Variants in SECISBP2L observed in about 807,000 individuals in gnomAD.
SECISBP2L encodes selenocysteine insertion sequence-binding protein 2-like.
Under a neutral mutation model 114.7 loss-of-function variants are expected in SECISBP2L, and 43 were observed. The ratio of observed to expected loss-of-function variants is 0.38; its 90% CI spans 0.29 to 0.48. SECISBP2L has a LOEUF of 0.48. Ranked by LOEUF, SECISBP2L falls within the 20% of genes least tolerant of loss-of-function variation. The probability of loss-of-function intolerance (pLI) is 0.98; values close to 1 mark genes in which losing one functional copy is unlikely to be tolerated. For missense variants in SECISBP2L, 1,136 were observed against 1,301.1 expected (o/e 0.87, Z 1.95); for synonymous variants, 451 against 439.7 (o/e 1.03, Z -0.32).
At position 48,992,710 on chromosome 15, in the gene SECISBP2L, T is replaced by G; in HGVS notation, c.2840A>C (p.Lys947Thr). Residue 947 changes from lysine (K) to threonine (T), a missense_variant, in exon 18 of 18, where the codon AAG becomes ACG. By Grantham distance (78) the Lys-to-Thr change is moderately conservative. Coordinates refer to ENST00000559471, the MANE Select transcript of SECISBP2L (RefSeq NM_001193489.2). ...TGAGGCCCATTCCAGGTCATCTGGCTTCACTTCCTCTTTATCACTTGCTGT... is the reference window on the plus strand; with the variant it reads ...TGAGGCCCATTCCAGGTCATCTGGCGTCACTTCCTCTTTATCACTTGCTGT... ...KSTASDKEEV[K>T]PDDLEWASQQ... is the part of the protein sequence containing the mutation. The G allele has an allele frequency of 6.2e-7, 1 of 1,614,222 alleles. No homozygotes were observed. The highest frequency in any genetic ancestry group is 8.5e-7 in the Non-Finnish European group (1 of 1,180,034).
intron 15 of SECISBP2L, among the ~76,000 whole-genome samples, chr15:49,000,498 G>A (rs1902179274): frequency 1.3e-5 from 2 of 152,202 alleles, no homozygotes; most frequent in Admixed American, 6.5e-5. Flanking sequence ...AAGTACTTGT[G>A]TGCTGGTTTG....
chr15:49,031,269 G>C (rs1046758107), intron 4 of SECISBP2L, among the ~76,000 whole-genome samples: 1 of 151,604 alleles, frequency 6.6e-6, no homozygotes, highest in Non-Finnish European at 1.5e-5. Context: ...GGGTAGTCTC[G>C]AACTCCAGAC....
At chr15:49,010,658 G>C (rs905164355) in intron 13 of SECISBP2L, among the ~76,000 whole-genome samples, 1 of 152,152 alleles carries the variant, frequency 6.6e-6, no homozygotes, top group Admixed American at 6.5e-5. Context: ...CTATAAATAT[G>C]AGCTACCATG....
At chr15:49,040,509 T>C (rs1903101118) in intron 1 of SECISBP2L, among the ~76,000 whole-genome samples, 1 of 151,012 alleles carries the variant, frequency 6.6e-6, no homozygotes. Flanking sequence ...AAAAGGAGTG[T>C]TATGATCCCA....
chr15:49,027,815 T>A (rs987776375), intron 6 of SECISBP2L, among the ~76,000 whole-genome samples: 1 of 152,134 alleles, frequency 6.6e-6, no homozygotes, highest in Non-Finnish European at 1.5e-5. Flanking sequence ...TTCATCATGT[T>A]GGCCAGGCTG....
chr15:49,027,997 A>G (rs1437040887), intron 6 of SECISBP2L, 147 bp downstream of exon 6: 2 of 733,396 alleles, frequency 2.7e-6, no homozygotes, highest in Non-Finnish European at 4.6e-6. Context: ...CAAGCTGATC[A>G]GCAAAACTGT....
intron 8 of SECISBP2L, among the ~76,000 whole-genome samples, chr15:49,018,975 G>A (rs112667580): frequency 2.1e-3 from 319 of 152,222 alleles, no homozygotes; most frequent in African/African-American, 7.2e-3. Flanking sequence ...GTGCAATTAG[G>A]ATATGAACTG....
At chr15:49,009,164 T>A (rs999167465) in intron 14 of SECISBP2L, 52 bp downstream of exon 14, 1 of 1,564,084 alleles carries the variant, frequency 6.4e-7, no homozygotes, top group Non-Finnish European at 8.7e-7. Flanking sequence ...AATTCAGAAC[T>A]ACAATCAAGA....
intron 1 of SECISBP2L, among the ~76,000 whole-genome samples, chr15:49,039,475 C>G (rs1169709714): frequency 6.6e-6 from 1 of 150,944 alleles, no homozygotes; most frequent in Non-Finnish European, 1.5e-5. Context: ...AAACTGAAAT[C>G]ACAGTTTAAC....
intron 13 of SECISBP2L, among the ~76,000 whole-genome samples, chr15:49,010,225 T>G (rs1012874559): frequency 2.0e-5 from 3 of 151,874 alleles, no homozygotes; most frequent in Non-Finnish European, 4.4e-5. Context: ...AATCTTTTTT[T>G]TTTTTAAACA....
In SECISBP2L at chr15:48,992,814, A is replaced by C. The variant is rs200681309; in HGVS notation, c.2736T>G (p.Phe912Leu). The C allele has an allele frequency of 3.8e-5, 62 of 1,614,176 alleles. No homozygotes were observed. The highest frequency in any genetic ancestry group is 5.1e-5 in the Non-Finnish European group (60 of 1,180,022). Reference sequence around the variant, plus strand: ...GCTGCTTACCAATTGGGGGTGTGTCAAATGGAAGTTTACTGGGTTTTTCAG... The same window carrying C: ...GCTGCTTACCAATTGGGGGTGTGTCCAATGGAAGTTTACTGGGTTTTTCAG... ...STSEKPSKLP[F>L]DTPPIGKQPS... is the part of the protein sequence containing the mutation. The change falls in exon 18 of 18, where the codon TTT (phenylalanine) becomes TTG (leucine). Residue 912 changes from phenylalanine to leucine, a missense_variant. Around this residue, in one of 2 missense-constraint regions of SECISBP2L, gnomAD observed 684 missense variants for 848.7 expected, o/e 0.81. Coordinates refer to ENST00000559471, the MANE Select transcript of SECISBP2L (RefSeq NM_001193489.2).
At position 49,028,622 on chromosome 15, in the gene SECISBP2L, T is replaced by C; in HGVS notation, c.725A>G (p.Lys242Arg). 2 of 1,614,154 alleles carry C rather than the reference T, an allele frequency of 1.2e-6. No individual in the cohort carries two copies. Among genetic ancestry groups the C allele is most frequent in the Non-Finnish European group, 1.7e-6 (2 of 1,180,000 alleles). Residue 242 changes from lysine (K) to arginine (R), a missense_variant, in exon 5 of 18, where the codon AAG becomes AGG. Lys to Arg is a conservative substitution (Grantham distance 26). Coordinates refer to ENST00000559471, the MANE Select transcript of SECISBP2L (RefSeq NM_001193489.2). Reference protein sequence around the residue: ...LSETTATMLWKSKGRRRRASH... With the variant: ...LSETTATMLWRSKGRRRRASH... ...TGCTCTTCTTCTCCTGCCCTTGGAC[T>C]TCCAGAGCATTGTTGCAGTGGTCTC...
chr15:49,003,905 T>G (rs1230677779), intron 14 of SECISBP2L, among the ~76,000 whole-genome samples: 1 of 152,194 alleles, frequency 6.6e-6, no homozygotes, highest in East Asian at 1.9e-4. Context: ...ATTTTCTTTT[T>G]TTGTTGTGTC....
chr15:48,996,265 T>C (rs1278710153), intron 17 of SECISBP2L, 102 bp downstream of exon 17: 7 of 1,160,550 alleles, frequency 6.0e-6, no homozygotes, highest in South Asian at 1.6e-5. Context: ...TCGAGCAACA[T>C]TTGAATAATC....
Position 48,996,442 on chromosome 15 carries a change from G to T in SECISBP2L, c.2548C>A (p.Pro850Thr). 6.2e-7 allele frequency: 1 copy of T among 1,614,128 alleles called. No individual in the cohort carries two copies. Among genetic ancestry groups the T allele is most frequent in the South Asian group, 1.1e-5 (1 of 91,078 alleles). ...AAAGAAATGGCACTTGCTGCAGAGG[G>T]ATTCCGAGAATGTCCCATGTGGTGT... is the stretch of plus-strand genomic sequence containing the variant. ...VPHHMGHSRN[P>T]SAASAISFCS... Residue 850 changes from proline to threonine, a missense_variant, in exon 17 of 18, where the codon CCC (proline) becomes ACC (threonine). Pro to Thr is a conservative substitution (Grantham distance 38). Transcript: ENST00000559471.
chr15:49,006,105 G>A (rs1189768820), intron 14 of SECISBP2L, among the ~76,000 whole-genome samples: 1 of 152,190 alleles, frequency 6.6e-6, no homozygotes, highest in East Asian at 1.9e-4. Context: ...TAGGGTTTCT[G>A]CAGAGAGACC....
chr15:49,000,836 A>C, intron 15 of SECISBP2L, 41 bp downstream of exon 15: 1 of 1,483,774 alleles, frequency 6.7e-7, no homozygotes, highest in South Asian at 1.2e-5. Flanking sequence ...TATATCCCAC[A>C]GCTATACTAT....
chr15:49,019,820 A>G (rs907521159), intron 7 of SECISBP2L, among the ~76,000 whole-genome samples: 1 of 152,256 alleles, frequency 6.6e-6, no homozygotes, highest in Non-Finnish European at 1.5e-5. Context: ...AAAACAGGAA[A>G]CAAACCAGAT....
At chr15:49,032,491 T>G (rs1023115569) in intron 4 of SECISBP2L, among the ~76,000 whole-genome samples, 3 of 152,224 alleles carry the variant, frequency 2.0e-5, no homozygotes, top group Non-Finnish European at 4.4e-5. Flanking sequence ...AAACTTGTAC[T>G]TGTTTAACAG....
Sources: gnomAD v4.1 joint callset for allele counts (sites outside exome capture counted in the v4.1 genomes callset) on GRCh38, gnomAD v4.1.1 for gene constraint, gnomAD v4.1.1 regional missense constraint, MANE v1.5 for transcripts, NCBI Gene and HGNC (gene_info 2026-07-23, HGNC 2026-07-21) for gene names.